Variants in HTT observed in about 807,000 individuals in gnomAD.
HTT encodes huntingtin, also known as huntington disease protein.
In HTT, 104 loss-of-function variants were observed where a neutral mutation model predicts 362.3. That is an observed-to-expected ratio of 0.29 (90% CI 0.24 to 0.34). The LOEUF (loss-of-function observed/expected upper bound fraction) is 0.34, where lower values mean the gene tolerates loss of function less well. Ranked by LOEUF, HTT falls within the 10% of genes least tolerant of loss-of-function variation. The pLI is 1.00. For synonymous variants in HTT, 1,577 were observed against 1,548.7 expected (o/e 1.02, Z -0.43); for missense variants, 3,301 against 3,928.6 (o/e 0.84, Z 4.27).
chr4:3,145,804 G>A (rs1382379745), intron 24 of HTT, among the ~76,000 whole-genome samples: 1 of 152,144 alleles, frequency 6.6e-6, no homozygotes, highest in Non-Finnish European at 1.5e-5. Flanking sequence ...CAGATTTCTT[G>A]TGTGTGTCAG....
At chr4:3,232,913 A>G (rs1436382247) in intron 60 of HTT, among the ~76,000 whole-genome samples, 1 of 152,238 alleles carries the variant, frequency 6.6e-6, no homozygotes, top group Admixed American at 6.5e-5. Flanking sequence ...GCAAGTTCTC[A>G]GCACCAACCC....
chr4:3,193,483 T>C (rs1312531623), intron 40 of HTT, among the ~76,000 whole-genome samples: 1 of 152,210 alleles, frequency 6.6e-6, no homozygotes, highest in East Asian at 1.9e-4. Context: ...CTTGCCTTTG[T>C]GGGATAAGGG....
intron 45 of HTT, among the ~76,000 whole-genome samples, chr4:3,208,170 T>C (rs993302516): frequency 6.6e-6 from 1 of 152,236 alleles, no homozygotes. Flanking sequence ...CAGTTTGGGA[T>C]GATTTTTCAG....
chr4:3,169,318 A>C (rs929138779), intron 29 of HTT, among the ~76,000 whole-genome samples: 2 of 151,506 alleles, frequency 1.3e-5, no homozygotes, highest in African/African-American at 2.4e-5. Flanking sequence ...GCACCCAGCT[A>C]GGCCATTATT....
intron 40 of HTT, among the ~76,000 whole-genome samples, chr4:3,196,057 C>A (rs1719244366): frequency 6.6e-6 from 1 of 152,144 alleles, no homozygotes; most frequent in Non-Finnish European, 1.5e-5. Context: ...TGAGGAAAGT[C>A]AGGGAAACCC....
At chr4:3,125,336 A>G (rs1354053578) in intron 10 of HTT, among the ~76,000 whole-genome samples, 3 of 152,086 alleles carry the variant, frequency 2.0e-5, no homozygotes, top group Non-Finnish European at 2.9e-5. Context: ...CTTTTTCCAT[A>G]TAGGTTTATT....
chr4:3,149,297 T>C (rs2110206991), intron 26 of HTT, among the ~76,000 whole-genome samples: 1 of 149,936 alleles, frequency 6.7e-6, no homozygotes, highest in South Asian at 2.1e-4. Context: ...TCACATACTT[T>C]TTTTTTTTTT....
intron 35 of HTT, among the ~76,000 whole-genome samples, chr4:3,179,889 A>C (rs181690890): frequency 2.0e-5 from 3 of 151,140 alleles, no homozygotes; most frequent in African/African-American, 7.3e-5. Context: ...CGTATGTGTC[A>C]CTGAGGGGTC....
chr4:3,217,199 G>C (rs899328508), intron 51 of HTT, among the ~76,000 whole-genome samples: 4 of 152,112 alleles, frequency 2.6e-5, no homozygotes, highest in Non-Finnish European at 5.9e-5. Context: ...TATTTTAGTA[G>C]GTATGATATT....
At chr4:3,187,398 G>A (rs1457044162) in intron 38 of HTT, among the ~76,000 whole-genome samples, 6 of 152,092 alleles carry the variant, frequency 3.9e-5, no homozygotes, top group Admixed American at 2.6e-4. Flanking sequence ...CTTGTGATCC[G>A]CCCGCCTCGG....
chr4:3,115,209 A>G, intron 6 of HTT, 95 bp from the exon 7 acceptor site: 2 of 1,291,700 alleles, frequency 1.5e-6, no homozygotes, highest in Admixed American at 2.3e-5. Flanking sequence ...CTTTGCAAGA[A>G]TTGGAAACTT....
At chr4:3,080,136 C>T (rs1397872675) in intron 1 of HTT, among the ~76,000 whole-genome samples, 1 of 151,316 alleles carries the variant, frequency 6.6e-6, no homozygotes, top group African/African-American at 2.4e-5. Context: ...CTCTTGTCAC[C>T]CGGGCTGGAG....
intron 41 of HTT, among the ~76,000 whole-genome samples, chr4:3,201,691 A>C (rs1025640708): frequency 6.6e-6 from 1 of 152,176 alleles, no homozygotes; most frequent in Non-Finnish European, 1.5e-5. Context: ...GGAAGGAAAA[A>C]ATAAATCCCC....
chr4:3,198,941 T>C (rs1719393268), intron 40 of HTT, among the ~76,000 whole-genome samples: 1 of 152,226 alleles, frequency 6.6e-6, no homozygotes. Context: ...GGGGTCCTGC[T>C]TTCTCACCTG....
At chr4:3,101,757 G>T (rs1338933039) in intron 3 of HTT, among the ~76,000 whole-genome samples, 4 of 152,206 alleles carry the variant, frequency 2.6e-5, no homozygotes, top group Non-Finnish European at 4.4e-5. Context: ...AAGCACGTGT[G>T]TCCAGCAAGA....
chr4:3,075,930 A>G (rs1363079552), intron 1 of HTT, among the ~76,000 whole-genome samples: 1 of 152,040 alleles, frequency 6.6e-6, no homozygotes, highest in Non-Finnish European at 1.5e-5. Flanking sequence ...AGTTGATTGA[A>G]GTTTTTTGCC....
chr4:3,127,706 G>A (rs1408730401), intron 12 of HTT, 102 bp downstream of exon 12: 1 of 830,414 alleles, frequency 1.2e-6, no homozygotes, highest in Non-Finnish European at 1.9e-6. Flanking sequence ...GCTCATGCCT[G>A]TAATCCCAGC....
chr4:3,119,858 A>AC (rs899508266), intron 8 of HTT, among the ~76,000 whole-genome samples: 1 of 152,202 alleles, frequency 6.6e-6, no homozygotes, highest in Admixed American at 6.6e-5. Flanking sequence ...TAGAGCAGGT[A>AC]CCCAAAAATG....
At chr4:3,095,514 TGCGAGGGCGAGG>T (rs763759970) in intron 2 of HTT, among the ~76,000 whole-genome samples, 5 of 152,194 alleles carry the variant, frequency 3.3e-5, no homozygotes, top group Admixed American at 1.3e-4. Flanking sequence ...AGGGAGACTG[TGCGAGGGCGAGG>T]GCGAGGGCGA....
Sources: allele counts gnomAD v4.1 joint callset (sites outside exome capture counted in the v4.1 genomes callset), GRCh38; gene constraint gnomAD v4.1.1; transcripts MANE v1.5; gene names NCBI Gene and HGNC (gene_info 2026-07-23, HGNC 2026-07-21).